Variants in ANO3 observed in about 807,000 individuals in gnomAD.
ANO3 encodes anoctamin 3.
In ANO3, 99 loss-of-function variants were observed where a neutral mutation model predicts 144.8. That is an observed-to-expected ratio of 0.68 (90% CI 0.58 to 0.81). ANO3 has a LOEUF of 0.81. Among genes scored for constraint, ANO3 ranks in the 30% least tolerant of loss-of-function variants. The probability of loss-of-function intolerance (pLI) is 0.00; values close to 1 mark genes in which losing one functional copy is unlikely to be tolerated. For synonymous variants in ANO3, 414 were observed against 392.6 expected (o/e 1.05, Z -0.64); for missense variants, 905 against 1,202.2 (o/e 0.75, Z 3.66).
chr11:26,450,655 T>C (rs2134036690), intron 3 of ANO3, among the ~76,000 whole-genome samples: 1 of 152,274 alleles, frequency 6.6e-6, no homozygotes, highest in East Asian at 1.9e-4. Flanking sequence ...AGTTTTCCGA[T>C]TTGAGAAATG....
chr11:26,453,160 C>T (rs1228536824), intron 3 of ANO3, among the ~76,000 whole-genome samples: 2 of 151,962 alleles, frequency 1.3e-5, no homozygotes, highest in Non-Finnish European at 2.9e-5. Flanking sequence ...ACTAGGAAGA[C>T]ACTGCATCAA....
chr11:26,332,007 C>T, upstream of ANO3: 1 of 940,692 alleles, frequency 1.1e-6, no homozygotes, highest in Non-Finnish European at 1.5e-6. Flanking sequence ...ACGCCCACCC[C>T]TCACTGTGGC....
At chr11:26,426,669 T>C (rs1857929946) in intron 1 of ANO3, among the ~76,000 whole-genome samples, 1 of 152,108 alleles carries the variant, frequency 6.6e-6, no homozygotes, top group African/African-American at 2.4e-5. Context: ...AACATGGTGG[T>C]GGGAAAGGAG....
At chr11:26,475,531 G>C (rs936326939) in intron 4 of ANO3, among the ~76,000 whole-genome samples, 1 of 151,874 alleles carries the variant, frequency 6.6e-6, no homozygotes, top group Admixed American at 6.6e-5. Context: ...CCAATTCATT[G>C]CTTGAACCAT....
chr11:26,281,172 A>G (rs575872700), intron 1 of ANO3, among the ~76,000 whole-genome samples: 1 of 152,326 alleles, frequency 6.6e-6, no homozygotes, highest in Non-Finnish European at 1.5e-5. Context: ...AAAGATATAG[A>G]AAGGCTAAGT....
intron 11 of ANO3, 35 bp downstream of exon 11, chr11:26,542,103 A>G (rs1376688523): frequency 6.2e-7 from 1 of 1,600,632 alleles, no homozygotes; most frequent in Admixed American, 1.7e-5. Flanking sequence ...AAAGCAAAGT[A>G]TTCTGTTTTG....
intron 24 of ANO3, among the ~76,000 whole-genome samples, chr11:26,650,663 G>A (rs549043494): frequency 2.0e-5 from 3 of 152,160 alleles, no homozygotes; most frequent in Non-Finnish European, 4.4e-5. Context: ...TGTGTCCTCA[G>A]TGAAGCAGCA....
intron 10 of ANO3, among the ~76,000 whole-genome samples, 173 bp from the exon 11 acceptor site, chr11:26,541,774 A>G (rs1849650721): frequency 6.6e-6 from 1 of 152,148 alleles, no homozygotes; most frequent in African/African-American, 2.4e-5. Flanking sequence ...ACTATTTTTA[A>G]TGAAAGATAT....
chr11:26,240,639 G>T (rs1852642320), intron 1 of ANO3, among the ~76,000 whole-genome samples: 1 of 151,990 alleles, frequency 6.6e-6, no homozygotes, highest in Non-Finnish European at 1.5e-5. Flanking sequence ...TAAATATACT[G>T]TTCGGTTTTT....
chr11:26,361,277 G>A (rs1406044351), intron 1 of ANO3, among the ~76,000 whole-genome samples: 1 of 152,024 alleles, frequency 6.6e-6, no homozygotes, highest in Non-Finnish European at 1.5e-5. Flanking sequence ...AGCAATTTGG[G>A]GAATGTTAGG....
intron 1 of ANO3, among the ~76,000 whole-genome samples, chr11:26,365,410 G>T (rs958196115): frequency 8.5e-6 from 1 of 117,240 alleles, no homozygotes; most frequent in Admixed American, 9.9e-5. Flanking sequence ...TGCCCTAGTG[G>T]GGATTCTCTG....
At chr11:26,641,373 T>G (rs1853146503) in intron 21 of ANO3, among the ~76,000 whole-genome samples, 1 of 152,184 alleles carries the variant, frequency 6.6e-6, no homozygotes, top group Non-Finnish European at 1.5e-5. Flanking sequence ...AGAACTTAGA[T>G]CTTTTGAAAT....
At chr11:26,553,392 C>T (rs1196152236) in intron 13 of ANO3, 47 bp downstream of exon 13, 4 of 1,390,620 alleles carry the variant, frequency 2.9e-6, no homozygotes, top group Non-Finnish European at 4.0e-6. Context: ...TACTGAGAAG[C>T]AGGCTGTAAG....
chr11:26,465,742 C>G (rs1210500107), intron 4 of ANO3, among the ~76,000 whole-genome samples: 2 of 151,828 alleles, frequency 1.3e-5, no homozygotes, highest in African/African-American at 4.8e-5. Context: ...GACTAATTTA[C>G]TAGGAGTTGT....
rs536230063 is a variant in ANO3, at chr11:26,239,196, T to C, written c.154+49866T>C. Among the ~76,000 whole-genome samples the C allele has an allele frequency of 1.1e-4, 16 of 152,122 alleles. No homozygotes were observed. The South Asian group carries it at 3.3e-3, about 32-fold the overall frequency. On this transcript the variant is annotated intron_variant, in intron 1 of 27. Coordinates refer to the ANO3 transcript ENST00000672621. ...ATTAAAATATTTACATAATAATGCA[T>C]TGCTTCTTTAGGCAGAAAAATAATA...
intron 1 of ANO3, among the ~76,000 whole-genome samples, chr11:26,213,276 G>C (rs960839699): frequency 2.6e-5 from 4 of 152,010 alleles, no homozygotes; most frequent in Non-Finnish European, 5.9e-5. Flanking sequence ...GGAAGTTTTG[G>C]CCAGGGAAAT....
chr11:26,632,449 G>C (rs1590656510), intron 18 of ANO3, among the ~76,000 whole-genome samples: 1 of 150,902 alleles, frequency 6.6e-6, no homozygotes, highest in East Asian at 1.9e-4. Context: ...CTGGGAGGCA[G>C]AGGTTGCAGT....
At chr11:26,476,936 A>T (rs199498249) in intron 4 of ANO3, among the ~76,000 whole-genome samples, 1,280 of 127,548 alleles carry the variant, frequency 0.01, 4 homozygotes, top group East Asian at 0.021. Context: ...TGTGTGTGAG[A>T]GAGAGAGAGA....
chr11:26,592,267 C>CT (rs1286495197), intron 14 of ANO3, among the ~76,000 whole-genome samples: 1 of 151,688 alleles, frequency 6.6e-6, no homozygotes, highest in African/African-American at 2.4e-5. Flanking sequence ...CTTAGGTTAG[C>CT]TTTTTTAGAT....
Sources: gnomAD v4.1 joint callset for allele counts (sites outside exome capture counted in the v4.1 genomes callset) on GRCh38, gnomAD v4.1.1 for gene constraint, MANE v1.5 for transcripts, NCBI Gene and HGNC (gene_info 2026-07-23, HGNC 2026-07-21) for gene names.